Variants in ARID1B observed in about 807,000 individuals in gnomAD.
ARID1B encodes AT-rich interactive domain-containing protein 1B.
Under a neutral mutation model 212.3 loss-of-function variants are expected in ARID1B, and 30 were observed. The observed-to-expected ratio is 0.14, with a 90% CI of 0.11 to 0.19. The LOEUF (loss-of-function observed/expected upper bound fraction) is 0.19, where lower values mean the gene tolerates loss of function less well. Among genes scored for constraint, ARID1B ranks in the 10% least tolerant of loss-of-function variants. ARID1B has a pLI of 1.00. For synonymous variants in ARID1B, 1,402 were observed against 1,301.7 expected (o/e 1.08, Z -1.66); for missense variants, 2,891 against 3,204.0 (o/e 0.90, Z 2.36).
chr6:157,031,368 A>AT (rs1781006687), intron 4 of ARID1B, among the ~76,000 whole-genome samples: 2 of 152,188 alleles, frequency 1.3e-5, no homozygotes, highest in African/African-American at 4.8e-5. Flanking sequence ...TAAGGAGAGT[A>AT]TTTTTATCCC....
At chr6:157,064,868 C>T (rs1783572669) in intron 4 of ARID1B, among the ~76,000 whole-genome samples, 1 of 152,278 alleles carries the variant, frequency 6.6e-6, no homozygotes, top group South Asian at 2.1e-4. Flanking sequence ...ATTACTACTC[C>T]CTTTCCTTCC....
chr6:157,094,312 G>A lies in ARID1B; in HGVS notation c.2491+9407G>A, dbSNP rs1785471128. ...AATGTGTGGGCAGTTAGGTGAGAGA[G>A]GAGCTAACGACTTTGTAGGTTATGA... On this transcript the variant is annotated intron_variant, in intron 5 of 19. Coordinates refer to ENST00000636930, the MANE Select transcript of ARID1B (RefSeq NM_001374828.1). The surrounding 1 kb of genome is among the most constrained non-coding windows in gnomAD (Gnocchi z 4.3). 6.6e-6 allele frequency among the ~76,000 whole-genome samples: 1 copy of A among 152,118 alleles called. No individual in the cohort carries two copies. Among genetic ancestry groups the A allele is most frequent in the Non-Finnish European group, 1.5e-5 (1 of 68,018 alleles).
chr6:156,797,144 A>G (rs990863029), intron 1 of ARID1B, among the ~76,000 whole-genome samples: 6 of 152,302 alleles, frequency 3.9e-5, no homozygotes, highest in African/African-American at 1.2e-4. Context: ...GTATCTATTC[A>G]GTGCCTGCTG....
At chr6:157,096,466 A>T (rs907447375) in intron 5 of ARID1B, among the ~76,000 whole-genome samples, 1 of 152,240 alleles carries the variant, frequency 6.6e-6, no homozygotes, top group East Asian at 1.9e-4. Context: ...CCTGAAAGCG[A>T]CTCCACTGTG....
intron 13 of ARID1B, among the ~76,000 whole-genome samples, chr6:157,187,087 TG>T (rs1288264553): frequency 6.6e-6 from 1 of 152,114 alleles, no homozygotes; most frequent in Non-Finnish European, 1.5e-5. Flanking sequence ...GGCAAGGCCA[TG>T]GGGTGTGGTT....
intron 13 of ARID1B, among the ~76,000 whole-genome samples, chr6:157,188,219 T>G (rs1250321746): frequency 6.6e-6 from 1 of 151,182 alleles, no homozygotes; most frequent in Admixed American, 6.6e-5. Context: ...AAAAAAAAAG[T>G]AAATAAAAAC....
At position 157,203,041 on chromosome 6, in the gene ARID1B, A is replaced by G. The variant is rs1455070189; in HGVS notation, c.5264-825A>G. The stretch of plus-strand genomic sequence containing the variant: ...TTTTTTTATTGTAAAAACAGTATGT[A>G]GCTATCTTAGAAAATTTTAAAACAG... On this transcript the variant is annotated intron_variant, in intron 18 of 19. Coordinates refer to ENST00000636930, the MANE Select transcript of ARID1B (RefSeq NM_001374828.1). The surrounding 1 kb of genome is among the most constrained non-coding windows in gnomAD (Gnocchi z 4.4). 3.3e-5 allele frequency among the ~76,000 whole-genome samples: 5 copies of G among 152,180 alleles called. No homozygotes were observed. Among genetic ancestry groups the G allele is most frequent in the African/African-American group, 1.2e-4 (5 of 41,438 alleles).
intron 2 of ARID1B, among the ~76,000 whole-genome samples, chr6:156,835,572 C>T (rs1010306587): frequency 6.6e-6 from 1 of 151,970 alleles, no homozygotes; most frequent in Non-Finnish European, 1.5e-5. Flanking sequence ...ACATTATTCT[C>T]GATTTTCTAA....
At chr6:157,119,022 T>G (rs575005522) in intron 6 of ARID1B, among the ~76,000 whole-genome samples, 1 of 152,240 alleles carries the variant, frequency 6.6e-6, no homozygotes, top group Non-Finnish European at 1.5e-5. Flanking sequence ...CACTTTTTCC[T>G]GTTCCTTTTG....
At chr6:157,087,459 C>A (rs1463003886) in intron 5 of ARID1B, among the ~76,000 whole-genome samples, 1 of 152,204 alleles carries the variant, frequency 6.6e-6, no homozygotes, top group Non-Finnish European at 1.5e-5. Flanking sequence ...AAGATGATAA[C>A]CCCACCTTAT....
chr6:156,892,089 G>A (rs1397185396), intron 2 of ARID1B, among the ~76,000 whole-genome samples: 1 of 145,380 alleles, frequency 6.9e-6, no homozygotes, highest in East Asian at 2.0e-4. Flanking sequence ...TAGTAGTGAC[G>A]GGGTTTCACC....
intron 3 of ARID1B, 53 bp downstream of exon 3, chr6:156,901,578 C>G: frequency 6.4e-7 from 1 of 1,559,440 alleles, no homozygotes; most frequent in Middle Eastern, 1.9e-4. Flanking sequence ...CAAGGCAGAC[C>G]CGGCTCTGAA....
rs144291470 is a variant in ARID1B, at chr6:156,784,292, G to T, written c.1791+4821G>T. ...TGAGGAATCCCAAACCCTGTTCCCT[G>T]TCGTGTCCGGGAGAGGCACCAGGCA... On this transcript the variant is annotated intron_variant, in intron 1 of 19. Coordinates refer to ENST00000636930, the MANE Select transcript of ARID1B (RefSeq NM_001374828.1). 2.5e-3 allele frequency among the ~76,000 whole-genome samples: 377 copies of T among 152,256 alleles called. 2 individuals are homozygous for T. The highest frequency in any genetic ancestry group is 2.4e-3 in the Non-Finnish European group (162 of 68,014).
At chr6:156,814,289 C>T (rs187825669) in intron 1 of ARID1B, among the ~76,000 whole-genome samples, 3 of 152,128 alleles carry the variant, frequency 2.0e-5, no homozygotes, top group Non-Finnish European at 4.4e-5. Flanking sequence ...CATGGTGGCA[C>T]GCGCCTATGG....
intron 2 of ARID1B, among the ~76,000 whole-genome samples, chr6:156,869,498 C>T (rs1200091882): frequency 6.6e-6 from 1 of 152,130 alleles, no homozygotes; most frequent in Non-Finnish European, 1.5e-5. Context: ...GATTAATGAG[C>T]TTATAAGTTG....
At chr6:157,122,397 A>G (rs2128552935) in intron 6 of ARID1B, among the ~76,000 whole-genome samples, 1 of 152,342 alleles carries the variant, frequency 6.6e-6, no homozygotes, top group East Asian at 1.9e-4. Flanking sequence ...ACTCCAGGGA[A>G]TATCTTGGCA....
chr6:157,019,384 A>G (rs1296563507), intron 4 of ARID1B, among the ~76,000 whole-genome samples: 1 of 152,240 alleles, frequency 6.6e-6, no homozygotes, highest in Non-Finnish European at 1.5e-5. Flanking sequence ...TCATTCTCAT[A>G]ACAACCATCA....
intron 8 of ARID1B, chr6:157,150,636 G>A (rs1029747552): frequency 1.2e-5 from 2 of 170,530 alleles, no homozygotes; most frequent in Non-Finnish European, 2.5e-5. Flanking sequence ...TGTAAGCCCC[G>A]CACCTATGTG....
chr6:156,921,993 A>T (rs1790842628), intron 3 of ARID1B, among the ~76,000 whole-genome samples: 1 of 152,044 alleles, frequency 6.6e-6, no homozygotes, highest in African/African-American at 2.4e-5. Flanking sequence ...TTGAGGCAGG[A>T]TCTTTCTGGC....
Sources: gnomAD v4.1 joint callset for allele counts (sites outside exome capture counted in the v4.1 genomes callset) on GRCh38, gnomAD v4.1.1 for gene constraint, Gnocchi (gnomAD v3.1) non-coding constraint, MANE v1.5 for transcripts, NCBI Gene and HGNC (gene_info 2026-07-23, HGNC 2026-07-21) for gene names.